IQCM: variants seen among roughly 807,000 people sequenced by gnomAD.
The protein encoded by IQCM is IQ domain-containing protein M.
In IQCM, 45 loss-of-function variants were observed where a neutral mutation model predicts 57.6. That is an observed-to-expected ratio of 0.78 (90% CI 0.62 to 1.00). IQCM has a LOEUF of 1.00. IQCM is among the 50% of genes least tolerant of loss of function. IQCM has a pLI of 0.00. For synonymous variants in IQCM, 148 were observed against 158.9 expected, an observed-to-expected ratio of 0.93 and a Z score of 0.51; for missense variants, 468 against 511.6, an observed-to-expected ratio of 0.91 and a Z score of 0.82.
intron 12 of IQCM, among the ~76,000 whole-genome samples, chr4:149,529,615 A>G (rs891313724): frequency 6.6e-6 from 1 of 152,208 alleles, no homozygotes; most frequent in African/African-American, 2.4e-5. Flanking sequence ...TCTACAGAGA[A>G]TATCTCTAAC....
At chr4:149,561,109 C>T (rs188944622) in intron 10 of IQCM, among the ~76,000 whole-genome samples, 1 of 152,224 alleles carries the variant, frequency 6.6e-6, no homozygotes, top group African/African-American at 2.4e-5. Flanking sequence ...AAAAGAAAAT[C>T]AATGATCATA....
intron 2 of IQCM, among the ~76,000 whole-genome samples, chr4:149,752,025 A>G (rs542107335): frequency 6.6e-6 from 1 of 152,350 alleles, no homozygotes; most frequent in Non-Finnish European, 1.5e-5. Context: ...GAATTAAAAC[A>G]GAAGAAAGAG....
chr4:149,501,151 T>G (rs1336634950), intron 12 of IQCM, among the ~76,000 whole-genome samples: 2 of 152,218 alleles, frequency 1.3e-5, no homozygotes, highest in Admixed American at 1.3e-4. Flanking sequence ...TGATTGCTTC[T>G]GCATTTCCAA....
intron 12 of IQCM, among the ~76,000 whole-genome samples, chr4:149,486,055 CTCTCTCTCTT>C (rs1288291137): frequency 1.3e-5 from 2 of 149,722 alleles, no homozygotes; most frequent in African/African-American, 5.1e-5. Flanking sequence ...CTCTCTCTCT[CTCTCTCTCTT>C]TCTCTGTCTG....
chr4:149,712,162 A>G (rs1304744729), intron 5 of IQCM, among the ~76,000 whole-genome samples: 4 of 150,086 alleles, frequency 2.7e-5, no homozygotes, highest in South Asian at 4.2e-4. Context: ...CCAGGATTCC[A>G]GGGTTCAGAG....
intron 9 of IQCM, among the ~76,000 whole-genome samples, chr4:149,566,353 A>C (rs1042186583): frequency 1.3e-5 from 2 of 152,204 alleles, no homozygotes; most frequent in African/African-American, 4.8e-5. Context: ...TGCAAATAGC[A>C]GAGGAATATG....
chr4:149,485,891 T>G (rs1741424619), intron 12 of IQCM, among the ~76,000 whole-genome samples: 1 of 152,184 alleles, frequency 6.6e-6, no homozygotes, highest in Non-Finnish European at 1.5e-5. Context: ...AGCCCAATAA[T>G]GCTGTGATTT....
chr4:149,618,694 C>T (rs540945443), intron 8 of IQCM, among the ~76,000 whole-genome samples: 179 of 152,090 alleles, frequency 1.2e-3, no homozygotes, highest in Non-Finnish European at 1.8e-3. Flanking sequence ...GGACATTTTT[C>T]AAAAGAAGAC....
At chr4:149,588,138 A>G (rs1311606072) in intron 8 of IQCM, 141 bp from the exon 9 acceptor site, 1 of 397,242 alleles carries the variant, frequency 2.5e-6, no homozygotes, top group East Asian at 3.7e-5. Flanking sequence ...ATTTATATAC[A>G]TTTTTTAGTA....
chr4:149,472,751 A>C (rs1439765311), intron 12 of IQCM, among the ~76,000 whole-genome samples: 1 of 152,226 alleles, frequency 6.6e-6, no homozygotes, highest in East Asian at 1.9e-4. Flanking sequence ...CCAAAACAGC[A>C]TGGTACTGGT....
chr4:149,760,285 G>A (rs1317319045), intron 2 of IQCM, among the ~76,000 whole-genome samples: 3 of 152,100 alleles, frequency 2.0e-5, no homozygotes, highest in African/African-American at 2.4e-5. Flanking sequence ...GCCAAGTGAA[G>A]AGTGGCATAA....
chr4:149,728,658 T>G (rs1450510488), intron 5 of IQCM, among the ~76,000 whole-genome samples: 1 of 152,212 alleles, frequency 6.6e-6, no homozygotes, highest in Non-Finnish European at 1.5e-5. Flanking sequence ...CTTCCAGCTA[T>G]AATCCACTGA....
intron 13 of IQCM, among the ~76,000 whole-genome samples, chr4:149,382,028 G>C (rs1731114577): frequency 6.6e-6 from 1 of 152,098 alleles, no homozygotes; most frequent in African/African-American, 2.4e-5. Flanking sequence ...GCCTCCCAAA[G>C]TGCTGGGATT....
chr4:149,813,446 G>C lies in IQCM; in HGVS notation c.-49+1865C>G, dbSNP rs150471494. On this transcript the variant is annotated intron_variant, in intron 2 of 13. Coordinates refer to ENST00000636793, the MANE Select transcript of IQCM (RefSeq NM_001363507.2). ...AGCAGGTGGACAAGAAGTAATTGAAGTACTACACCCAAGAAAGCTCAATCT... is the reference window on the plus strand; with the variant it reads ...AGCAGGTGGACAAGAAGTAATTGAACTACTACACCCAAGAAAGCTCAATCT... Among the ~76,000 whole-genome samples, 28 of 152,118 alleles carry C rather than the reference G, an allele frequency of 1.8e-4. No homozygotes were observed. The East Asian group carries it at 5.2e-3, about 28-fold the overall frequency.
At chr4:149,541,464 A>T (rs1188721914) in intron 12 of IQCM, among the ~76,000 whole-genome samples, 13 of 152,080 alleles carry the variant, frequency 8.5e-5, no homozygotes, top group Non-Finnish European at 1.3e-4. Flanking sequence ...TGTTGGAAAA[A>T]TAGGGGAAAA....
intron 12 of IQCM, among the ~76,000 whole-genome samples, chr4:149,499,928 G>A (rs1203764549): frequency 2.6e-5 from 4 of 152,206 alleles, no homozygotes; most frequent in African/African-American, 9.6e-5. Flanking sequence ...AAGTTCTTGT[G>A]TCTGACCCTT....
chr4:149,422,878 T>C (rs1734209627), intron 13 of IQCM, among the ~76,000 whole-genome samples: 2 of 152,012 alleles, frequency 1.3e-5, no homozygotes, highest in Admixed American at 1.3e-4. Context: ...GAAGAAACTA[T>C]GACAAAATAA....
chr4:149,446,249 A>G (rs1389370078), intron 12 of IQCM, among the ~76,000 whole-genome samples: 1 of 151,728 alleles, frequency 6.6e-6, no homozygotes, highest in Admixed American at 6.6e-5. Context: ...TCTGAGATAT[A>G]TTTATAAAAA....
At chr4:149,685,720 A>G (rs1579993229) in intron 6 of IQCM, among the ~76,000 whole-genome samples, 1 of 151,602 alleles carries the variant, frequency 6.6e-6, no homozygotes, top group East Asian at 1.9e-4. Context: ...ATTTTAGCAG[A>G]GAAGTATTTA....
Sources: allele counts gnomAD v4.1 joint callset (sites outside exome capture counted in the v4.1 genomes callset), GRCh38; gene constraint gnomAD v4.1.1; transcripts MANE v1.5; gene names NCBI Gene and HGNC (gene_info 2026-07-23, HGNC 2026-07-21).